NALCN: variants seen among roughly 807,000 people sequenced by gnomAD.
NALCN encodes sodium leak channel NALCN.
In NALCN, 111 loss-of-function variants were observed where a neutral mutation model predicts 225.3. That is an observed-to-expected ratio of 0.49 (90% confidence interval 0.42 to 0.58). The LOEUF is 0.58. NALCN is among the 20% of genes least tolerant of loss of function. The pLI, the probability that NALCN is intolerant of heterozygous loss-of-function variation, is 0.00. For synonymous variants in NALCN, 764 were observed against 769.0 expected (o/e 0.99, Z 0.11); for missense variants, 1,378 against 2,202.4 (o/e 0.63, Z 7.49).
chr13:101,377,855 T>G (rs1251354355), intron 4 of NALCN, among the ~76,000 whole-genome samples: 4 of 152,108 alleles, frequency 2.6e-5, no homozygotes, highest in Non-Finnish European at 5.9e-5. Flanking sequence ...CAATAGAATA[T>G]AGTAACTTTA....
At chr13:101,219,031 C>T (rs2040842927) in intron 13 of NALCN, among the ~76,000 whole-genome samples, 1 of 152,082 alleles carries the variant, frequency 6.6e-6, no homozygotes, top group African/African-American at 2.4e-5. Context: ...ACCCTGATTA[C>T]TTCATTTTAA....
At chr13:101,356,835 C>T (rs1158447265) in intron 6 of NALCN, among the ~76,000 whole-genome samples, 1 of 152,104 alleles carries the variant, frequency 6.6e-6, no homozygotes, top group Non-Finnish European at 1.5e-5. Context: ...AAAAGCTTAC[C>T]CACCACAATC....
At chr13:101,329,112 C>T (rs913627718) in intron 7 of NALCN, among the ~76,000 whole-genome samples, 1 of 152,092 alleles carries the variant, frequency 6.6e-6, no homozygotes, top group African/African-American at 2.4e-5. Flanking sequence ...AAGCCTCTTT[C>T]AGTTCAACTT....
At chr13:101,057,868 C>G in intron 43 of NALCN, 71 bp downstream of exon 43, 1 of 1,247,018 alleles carries the variant, frequency 8.0e-7, no homozygotes, top group Non-Finnish European at 1.2e-6. Context: ...AAGGCAAGAC[C>G]CAAAACACAC....
At chr13:101,220,039 C>T (rs1204769308) in intron 13 of NALCN, among the ~76,000 whole-genome samples, 1 of 152,132 alleles carries the variant, frequency 6.6e-6, no homozygotes, top group Non-Finnish European at 1.5e-5. Context: ...AGGGTGAGTG[C>T]CCTCCCCAAG....
At position 101,059,674 on chromosome 13, in the gene NALCN, CT is replaced by C. The variant is rs35627368; in HGVS notation, c.4905+143del. ...ATCTGGATCAATGGATTTCCGTTGC[CT>C]TTTTTTTTTTTAATGAAAATATTCC... On this transcript the variant is annotated intron_variant, in intron 42 of 43. Transcript: ENST00000251127. 0.081 allele frequency: 47,754 copies of C among 586,106 alleles called. 741 individuals carry two copies. The highest frequency in any genetic ancestry group is 0.21 in the African/African-American group (10,701 of 51,842). 36.3% of individuals were successfully genotyped at this position (586,106 alleles called of 1,614,324 possible).
intron 13 of NALCN, among the ~76,000 whole-genome samples, chr13:101,201,292 A>T: frequency 6.6e-6 from 1 of 152,182 alleles, no homozygotes; most frequent in Non-Finnish European, 1.5e-5. Context: ...ATTTAAGAAC[A>T]TTCTCTTTAT....
Position 101,345,005 on chromosome 13 carries a change from T to C in NALCN, c.799+261A>G, listed in dbSNP as rs9557620. Among the ~76,000 whole-genome samples, 64,767 of 151,958 alleles carry C rather than the reference T, an allele frequency of 0.43. 13,951 individuals are homozygous for C. The highest frequency in any genetic ancestry group is 0.54 in the Admixed American group (8,178 of 15,244). On this transcript the variant is annotated intron_variant, in intron 7 of 43. Transcript: ENST00000251127. ...CAAATATTTTTAAATGCTTAAATGC[T>C]GTTATTGAGAATCGAAATAGTCAAA...
chr13:101,199,043 A>G (rs897003049), intron 13 of NALCN, among the ~76,000 whole-genome samples: 7 of 152,006 alleles, frequency 4.6e-5, no homozygotes, highest in African/African-American at 7.2e-5. Flanking sequence ...CACAAGGACA[A>G]AAGTCAAACA....
rs181429353 is a variant in NALCN, at chr13:101,191,893, T to C, written c.1764+24A>G. On this transcript the variant is annotated intron_variant, in intron 14 of 43. Coordinates refer to ENST00000251127, the MANE Select transcript of NALCN (RefSeq NM_052867.4). ...TCCCATTATAAATTCCAAGATATAA[T>C]TGAAAAAAAAATGCTGAACTCACCA... is the stretch of plus-strand genomic sequence containing the variant. The C allele has an allele frequency of 7.1e-4, 1,116 of 1,580,082 alleles. 6 individuals are homozygous for C. In the African/African-American group the frequency reaches 0.015, roughly 21 times the overall value.
At position 101,110,570 on chromosome 13, in the gene NALCN, C is replaced by A. The variant is rs747207102; in HGVS notation, c.2364+49G>T. 210 of 1,589,950 alleles carry A rather than the reference C, an allele frequency of 1.3e-4. 1 individual carries two copies. Among genetic ancestry groups the A allele is most frequent in the Middle Eastern group, 5.0e-4 (3 of 6,040 alleles). Reference sequence around the variant, plus strand: ...CATTGTCTAAGCAGTCATTTAAATACATTTTCATAATCACGTTTCTGAAAT... The same window carrying A: ...CATTGTCTAAGCAGTCATTTAAATAAATTTTCATAATCACGTTTCTGAAAT... On this transcript the variant is annotated intron_variant, in intron 20 of 43. Transcript: ENST00000251127.
chr13:101,310,713 C>A (rs1360520946), intron 7 of NALCN, among the ~76,000 whole-genome samples: 1 of 152,092 alleles, frequency 6.6e-6, no homozygotes, highest in African/African-American at 2.4e-5. Flanking sequence ...CTGTTGTGAT[C>A]AAATGCCTAG....
intron 7 of NALCN, among the ~76,000 whole-genome samples, chr13:101,309,284 T>C (rs1293616638): frequency 1.3e-5 from 2 of 152,122 alleles, no homozygotes; most frequent in Non-Finnish European, 1.5e-5. Context: ...GAAATTCACA[T>C]TCTTGAAAGG....
chr13:101,316,924 G>A (rs1415511440), intron 7 of NALCN, among the ~76,000 whole-genome samples: 1 of 152,134 alleles, frequency 6.6e-6, no homozygotes, highest in Non-Finnish European at 1.5e-5. Context: ...TGTATTTGAT[G>A]TAGTTTTTAG....
chr13:101,176,397 T>C, intron 14 of NALCN, 23 bp from the exon 15 acceptor site: 4 of 1,557,280 alleles, frequency 2.6e-6, no homozygotes, highest in African/African-American at 1.4e-5. Context: ...GAAATAACAA[T>C]GAAAAAACCC....
Position 101,078,717 on chromosome 13 carries a change from T to G in NALCN, c.3886-2776A>C, listed in dbSNP as rs2139492283. Reference sequence around the variant, plus strand: ...AAGACTTTGGGCTTGGACTTTTAAGTTAATGCTGGAATGAATTAAGACTTT... The same window carrying G: ...AAGACTTTGGGCTTGGACTTTTAAGGTAATGCTGGAATGAATTAAGACTTT... On this transcript the variant is annotated intron_variant, in intron 34 of 43. Transcript: ENST00000251127. Among the ~76,000 whole-genome samples the G allele has an allele frequency of 2.6e-5, 4 of 152,288 alleles. No homozygotes were observed. In the South Asian group the frequency reaches 8.3e-4, roughly 32 times the overall value.
At chr13:101,215,724 C>T (rs1046463125) in intron 13 of NALCN, among the ~76,000 whole-genome samples, 2 of 151,766 alleles carry the variant, frequency 1.3e-5, no homozygotes. Context: ...ATTTATTATA[C>T]TTTAAGTTCT....
intron 10 of NALCN, among the ~76,000 whole-genome samples, chr13:101,271,431 T>C (rs2042771560): frequency 6.6e-6 from 1 of 152,128 alleles, no homozygotes; most frequent in Non-Finnish European, 1.5e-5. Flanking sequence ...CTTTTTCAAG[T>C]AGCATTTTAG....
rs542547122 is a variant in NALCN at position 101,393,389 on chromosome 13, A to G, written c.291+1794T>C. On this transcript the variant is annotated intron_variant, in intron 3 of 43. Transcript: ENST00000251127. ...CAAAGCAGTTCAGAGGACAAGGAGT[A>G]CACAGAAACTATTCAAGAGCACCAT... Among the ~76,000 whole-genome samples, 7 of 152,358 alleles carry G rather than the reference A, an allele frequency of 4.6e-5. No homozygotes were observed. The South Asian group carries it at 1.4e-3, about 32-fold the overall frequency.
Sources: gnomAD v4.1 joint callset for allele counts (sites outside exome capture counted in the v4.1 genomes callset) on GRCh38, gnomAD v4.1.1 for gene constraint, MANE v1.5 for transcripts, NCBI Gene and HGNC (gene_info 2026-07-23, HGNC 2026-07-21) for gene names.